MAPK4: variants seen among roughly 807,000 people sequenced by gnomAD.
MAPK4 encodes the protein mitogen-activated protein kinase 4, also known as Erk3-related.
A neutral mutation model predicts 47.7 loss-of-function variants in MAPK4; 22 were observed. The ratio of observed to expected loss-of-function variants is 0.46; its 90% CI spans 0.33 to 0.66. The LOEUF (loss-of-function observed/expected upper bound fraction) is 0.66, where lower values mean the gene tolerates loss of function less well. Among genes scored for constraint, MAPK4 ranks in the 30% least tolerant of loss-of-function variants. MAPK4 has a pLI of 0.02. For missense variants in MAPK4, 736 were observed against 831.7 expected, an observed-to-expected ratio of 0.88 and a Z score of 1.42; for synonymous variants, 390 against 365.7, an observed-to-expected ratio of 1.07 and a Z score of -0.76.
chr18:50,710,503 C>T (rs189524183), intron 2 of MAPK4, among the ~76,000 whole-genome samples: 348 of 151,416 alleles, frequency 2.3e-3, no homozygotes, highest in African/African-American at 1.6e-3. Context: ...ATAGGCCAGG[C>T]GCGGAGGCTC....
intron 5 of MAPK4, 131 bp from the exon 6 acceptor site, chr18:50,729,027 A>T (rs1568101820): frequency 5.2e-6 from 4 of 762,370 alleles, no homozygotes; most frequent in Non-Finnish European, 8.6e-6. Context: ...CCTGTCCATC[A>T]CCCTCCCACC....
intron 1 of MAPK4, among the ~76,000 whole-genome samples, chr18:50,648,645 C>A (rs1003007623): frequency 7.2e-5 from 11 of 152,132 alleles, no homozygotes; most frequent in Admixed American, 6.5e-4. Context: ...TCACACCCAG[C>A]TGCTGCAGGG....
intron 2 of MAPK4, among the ~76,000 whole-genome samples, chr18:50,710,351 C>T (rs1425137652): frequency 2.6e-5 from 4 of 152,056 alleles, no homozygotes; most frequent in Admixed American, 6.6e-5. Flanking sequence ...AGCGTGGTGG[C>T]GTGTGCCTGT....
At chr18:50,727,424 G>A (rs972277030) in intron 5 of MAPK4, among the ~76,000 whole-genome samples, 3 of 152,202 alleles carry the variant, frequency 2.0e-5, no homozygotes, top group South Asian at 4.1e-4. Flanking sequence ...GGGCCAGGGC[G>A]ACGCTGCTAT....
In MAPK4 at chr18:50,663,774, C is replaced by T. The variant is rs138390517; in HGVS notation, c.-185C>T. 10 of 570,006 alleles carry T rather than the reference C, an allele frequency of 1.8e-5. No homozygotes were observed. The highest frequency in any genetic ancestry group is 1.5e-4 in the Admixed American group (5 of 32,508). 35.3% of individuals were successfully genotyped at this position (570,006 alleles called of 1,614,324 possible). On this transcript the variant is annotated 5_prime_UTR_variant, in exon 2 of 6. Transcript: ENST00000400384. ...TGCGCCCCCAACTAGCACAGCTCAGCGAGCATGACCATATGCCATTCTCGT... is the reference window on the plus strand; with the variant it reads ...TGCGCCCCCAACTAGCACAGCTCAGTGAGCATGACCATATGCCATTCTCGT...
intron 1 of MAPK4, among the ~76,000 whole-genome samples, chr18:50,633,203 A>T (rs1273145589): frequency 6.6e-6 from 1 of 152,230 alleles, no homozygotes; most frequent in Non-Finnish European, 1.5e-5. Context: ...TGGAAAGGAC[A>T]CAAGGTCTTC....
At chr18:50,661,949 C>A (rs1038126698) in intron 1 of MAPK4, among the ~76,000 whole-genome samples, 4 of 152,314 alleles carry the variant, frequency 2.6e-5, no homozygotes, top group East Asian at 1.9e-4. Flanking sequence ...ATGTTCTAGA[C>A]CCTTGGCAAA....
intron 1 of MAPK4, among the ~76,000 whole-genome samples, chr18:50,563,466 G>A (rs574854804): frequency 6.6e-6 from 1 of 152,252 alleles, no homozygotes; most frequent in East Asian, 1.9e-4. Flanking sequence ...CAGGTGGGGG[G>A]CATCACCCAG....
At chr18:50,726,448 C>G in intron 5 of MAPK4, among the ~76,000 whole-genome samples, 1 of 152,142 alleles carries the variant, frequency 6.6e-6, no homozygotes, top group Admixed American at 6.6e-5. Context: ...ATACAGTGCT[C>G]CGCAAGGATT....
chr18:50,633,598 G>A (rs2042852302), intron 1 of MAPK4, among the ~76,000 whole-genome samples: 3 of 152,174 alleles, frequency 2.0e-5, no homozygotes, highest in South Asian at 4.1e-4. Context: ...GCAGCCACTT[G>A]GGCTGGCTGC....
At chr18:50,724,264 A>T (rs974331055) in intron 4 of MAPK4, among the ~76,000 whole-genome samples, 3 of 152,094 alleles carry the variant, frequency 2.0e-5, no homozygotes, top group Admixed American at 1.3e-4. Flanking sequence ...GCCCAGGGTG[A>T]TCTCAAACTC....
At chr18:50,714,460 C>T (rs142722232) in intron 2 of MAPK4, among the ~76,000 whole-genome samples, 7 of 152,276 alleles carry the variant, frequency 4.6e-5, no homozygotes, top group South Asian at 4.2e-4. Context: ...AGTCAGACTC[C>T]GAGAATCTCA....
chr18:50,591,649 G>A (rs1043032840), intron 1 of MAPK4, among the ~76,000 whole-genome samples: 8 of 151,702 alleles, frequency 5.3e-5, no homozygotes, highest in Admixed American at 3.9e-4. Context: ...TCTGCTTGAA[G>A]CATTGGGAGT....
At chr18:50,722,560 C>A (rs1047625098) in intron 4 of MAPK4, among the ~76,000 whole-genome samples, 6 of 152,084 alleles carry the variant, frequency 3.9e-5, no homozygotes, top group African/African-American at 1.2e-4. Context: ...GCTCAGCAGG[C>A]CTGGGAAGAG....
At chr18:50,677,661 C>T (rs1908354820) in intron 2 of MAPK4, among the ~76,000 whole-genome samples, 1 of 152,102 alleles carries the variant, frequency 6.6e-6, no homozygotes, top group African/African-American at 2.4e-5. Flanking sequence ...ATCCTCCTGC[C>T]TCAGTCTCCC....
intron 3 of MAPK4, among the ~76,000 whole-genome samples, chr18:50,716,267 A>G (rs1910631821): frequency 1.3e-5 from 2 of 151,754 alleles, no homozygotes; most frequent in South Asian, 4.2e-4. Context: ...AATCCAGGGA[A>G]CCCATTTCAG....
At chr18:50,638,608 G>A (rs1212594623) in intron 1 of MAPK4, among the ~76,000 whole-genome samples, 6 of 152,214 alleles carry the variant, frequency 3.9e-5, no homozygotes, top group Admixed American at 3.3e-4. Context: ...CAAGGGAGTT[G>A]AAACCTAAGT....
At chr18:50,677,212 T>C (rs915586374) in intron 2 of MAPK4, among the ~76,000 whole-genome samples, 4 of 152,230 alleles carry the variant, frequency 2.6e-5, no homozygotes, top group Non-Finnish European at 5.9e-5. Flanking sequence ...AAAATTGTTT[T>C]CCACGAAACT....
rs1784462373 is a variant in MAPK4, at chr18:50,678,720, C to T, written c.546+14216C>T. 6.6e-6 allele frequency among the ~76,000 whole-genome samples: 1 copy of T among 152,182 alleles called. No homozygotes were observed. Among genetic ancestry groups the T allele is most frequent in the South Asian group, 2.1e-4 (1 of 4,826 alleles). ...AGCTGCCCCCACACTCTTATTCTTG[C>T]TTTCTTCTCTTCCAAGATAACACGT... On this transcript the variant is annotated intron_variant, in intron 2 of 5. Coordinates refer to ENST00000400384, the MANE Select transcript of MAPK4 (RefSeq NM_002747.4). This position sits in a 1 kb window ranked among gnomAD's most constrained non-coding sequence, Gnocchi z 4.2.
Sources: allele counts gnomAD v4.1 joint callset (sites outside exome capture counted in the v4.1 genomes callset), GRCh38; gene constraint gnomAD v4.1.1; non-coding constraint Gnocchi (gnomAD v3.1); transcripts MANE v1.5; gene names NCBI Gene and HGNC (gene_info 2026-07-23, HGNC 2026-07-21).